UTS2: variants seen among roughly 807,000 people sequenced by gnomAD.
The protein encoded by UTS2 is urotensin-2.
UTS2 carries 10 observed loss-of-function variants against 12.6 expected under a neutral mutation model. The observed-to-expected ratio is 0.80, with a 90% CI of 0.49 to 1.35. The LOEUF (loss-of-function observed/expected upper bound fraction) is 1.35. Among genes scored for constraint, UTS2 ranks in the 40% most tolerant of loss-of-function variants. UTS2 has a pLI of 0.00. For synonymous variants in UTS2, 52 were observed against 50.0 expected (o/e 1.04, Z -0.17); for missense variants, 142 against 143.2 (o/e 0.99, Z 0.04).
At chr1:7,853,103 A>G, upstream of UTS2, 1 of 1,482,898 alleles carries the variant, frequency 6.7e-7, no homozygotes. Context: ...ATATCATCCT[A>G]TGACCTGACA....
the UTS2 span, among the ~76,000 whole-genome samples, chr1:7,912,412 T>A: frequency 3.0e-4 from 45 of 152,158 alleles, no homozygotes; most frequent in African/African-American, 1.1e-3. Flanking sequence ...CAGACCTGAT[T>A]GGGAACCTGG....
chr1:7,858,601 G>C, the UTS2 span, among the ~76,000 whole-genome samples: 1 of 151,714 alleles, frequency 6.6e-6, no homozygotes, highest in African/African-American at 2.4e-5. Context: ...TTTTGACACA[G>C]AGTCTCACTC....
the UTS2 span, among the ~76,000 whole-genome samples, chr1:7,875,886 G>A: frequency 6.6e-6 from 1 of 152,136 alleles, no homozygotes; most frequent in Admixed American, 6.5e-5. Flanking sequence ...CCTGATGACA[G>A]GCTTGGCTTA....
chr1:7,871,505 T>A, the UTS2 span, among the ~76,000 whole-genome samples: 1 of 152,162 alleles, frequency 6.6e-6, no homozygotes, highest in African/African-American at 2.4e-5. Flanking sequence ...GCAGGCTCCA[T>A]GAGGGCAGGG....
the UTS2 span, among the ~76,000 whole-genome samples, chr1:7,907,699 G>A: frequency 6.6e-6 from 1 of 151,654 alleles, no homozygotes; most frequent in Non-Finnish European, 1.5e-5. Flanking sequence ...CTGACAGTGA[G>A]CTTCTGAGCA....
the UTS2 span, among the ~76,000 whole-genome samples, chr1:7,898,510 C>T: frequency 4.6e-5 from 7 of 151,896 alleles, no homozygotes; most frequent in African/African-American, 1.7e-4. Flanking sequence ...GAGTCTCACT[C>T]TGTCGCCCAG....
At chr1:7,868,750 A>G in the UTS2 span, among the ~76,000 whole-genome samples, 4 of 152,206 alleles carry the variant, frequency 2.6e-5, no homozygotes, top group African/African-American at 9.6e-5. Flanking sequence ...CCATGGACTA[A>G]ATATATCCTC....
At chr1:7,849,927 T>C (rs1375924201) in intron 2 of UTS2, among the ~76,000 whole-genome samples, 2 of 152,080 alleles carry the variant, frequency 1.3e-5, no homozygotes, top group East Asian at 3.9e-4. Context: ...TTATAACAAA[T>C]GAACTCCTGT....
At chr1:7,876,949 G>A in the UTS2 span, among the ~76,000 whole-genome samples, 1 of 151,754 alleles carries the variant, frequency 6.6e-6, no homozygotes, top group East Asian at 1.9e-4. Flanking sequence ...GGCCAACATG[G>A]TGAAACTCTG....
intron 2 of UTS2, 62 bp downstream of exon 2, chr1:7,850,750 G>C (rs750317214): frequency 4.6e-6 from 7 of 1,524,082 alleles, no homozygotes; most frequent in Admixed American, 3.3e-5. Flanking sequence ...TCTAGATGAG[G>C]ACAGACGGTA....
At chr1:7,854,120 T>A (rs1390657162), upstream of UTS2, among the ~76,000 whole-genome samples, 2 of 151,802 alleles carry the variant, frequency 1.3e-5, no homozygotes, top group Non-Finnish European at 2.9e-5. Flanking sequence ...CTGAGGCGGA[T>A]GGATCACGAG....
At chr1:7,903,839 C>T in the UTS2 span, among the ~76,000 whole-genome samples, 1 of 152,134 alleles carries the variant, frequency 6.6e-6, no homozygotes, top group Non-Finnish European at 1.5e-5. Context: ...AGAGCCACAG[C>T]CCCTTCAGAA....
the UTS2 span, among the ~76,000 whole-genome samples, chr1:7,873,349 T>C: frequency 2.0e-5 from 3 of 152,234 alleles, no homozygotes; most frequent in Non-Finnish European, 2.9e-5. Context: ...CTGCTGTAGA[T>C]AGTGATTCCT....
chr1:7,889,551 T>C, the UTS2 span, among the ~76,000 whole-genome samples: 152 of 151,850 alleles, frequency 1.0e-3, no homozygotes, highest in African/African-American at 3.3e-3. Flanking sequence ...ATGCCTGTAA[T>C]CCCAGCACTT....
At chr1:7,863,557 G>A in the UTS2 span, among the ~76,000 whole-genome samples, 1 of 152,220 alleles carries the variant, frequency 6.6e-6, no homozygotes, top group Non-Finnish European at 1.5e-5. Flanking sequence ...AGCTCTGTCT[G>A]TTTTGCTCAC....
chr1:7,885,766 C>T, the UTS2 span, among the ~76,000 whole-genome samples: 1 of 151,354 alleles, frequency 6.6e-6, no homozygotes, highest in Non-Finnish European at 1.5e-5. Flanking sequence ...AGCTAGAGGG[C>T]GTGGTCAAGT....
intron 3 of UTS2, among the ~76,000 whole-genome samples, chr1:7,848,612 C>G (rs1339342771): frequency 6.6e-6 from 1 of 152,060 alleles, no homozygotes; most frequent in Admixed American, 6.6e-5. Flanking sequence ...CCCCCGCCTC[C>G]AGGTTCAAGT....
the UTS2 span, among the ~76,000 whole-genome samples, chr1:7,885,913 G>A: frequency 1.2e-5 from 1 of 81,732 alleles, no homozygotes; most frequent in Admixed American, 1.1e-4. Flanking sequence ...TGGGGTGGGG[G>A]GGGGCGGGTG....
the UTS2 span, among the ~76,000 whole-genome samples, chr1:7,883,299 A>G: frequency 6.6e-6 from 1 of 152,226 alleles, no homozygotes; most frequent in Admixed American, 6.5e-5. Context: ...CAAATATTAC[A>G]TGTTCTGACT....
Sources: allele counts gnomAD v4.1 joint callset (sites outside exome capture counted in the v4.1 genomes callset), GRCh38; gene constraint gnomAD v4.1.1; transcripts MANE v1.5; gene names NCBI Gene and HGNC (gene_info 2026-07-23, HGNC 2026-07-21).